CDC42: variants seen among roughly 807,000 people sequenced by gnomAD.
CDC42 encodes cell division cycle 42, also known as cell division control protein 42 homolog.
Under a neutral mutation model 20.8 loss-of-function variants are expected in CDC42, and 1 was observed. The ratio of observed to expected loss-of-function variants is 0.05; its 90% confidence interval spans 0.02 to 0.23. The LOEUF is 0.23. CDC42 is among the 10% of genes least tolerant of loss of function. CDC42 has a pLI of 1.00. For missense variants in CDC42, 49 were observed against 227.9 expected (o/e 0.21, Z 5.05); for synonymous variants, 72 against 84.8 (o/e 0.85, Z 0.83).
intron 2 of CDC42, among the ~76,000 whole-genome samples, chr1:22,080,743 C>T (rs1023207102): frequency 1.2e-4 from 18 of 152,268 alleles, no homozygotes; most frequent in South Asian, 4.1e-4. Flanking sequence ...CAAATAACTT[C>T]GTACAACCGA....
intron 1 of CDC42, among the ~76,000 whole-genome samples, chr1:22,075,209 C>T (rs535941498): frequency 7.2e-5 from 11 of 152,300 alleles, no homozygotes; most frequent in African/African-American, 2.6e-4. Flanking sequence ...ACAACGGTAG[C>T]CTCCTATAGT....
chr1:22,085,044 C>T (rs1339903214), intron 3 of CDC42, among the ~76,000 whole-genome samples: 6 of 151,858 alleles, frequency 4.0e-5, no homozygotes, highest in African/African-American at 1.5e-4. Flanking sequence ...CCAGCCTGGC[C>T]AACATGGTGA....
chr1:22,067,703 G>A (rs930395987), intron 1 of CDC42, among the ~76,000 whole-genome samples: 1 of 152,098 alleles, frequency 6.6e-6, no homozygotes, highest in African/African-American at 2.4e-5. Flanking sequence ...GGAGCTCTCT[G>A]GGGTGTCTTA....
intron 1 of CDC42, among the ~76,000 whole-genome samples, chr1:22,073,834 A>G (rs1199091386): frequency 6.7e-6 from 1 of 148,694 alleles, no homozygotes; most frequent in Non-Finnish European, 1.5e-5. Context: ...TTTTTTTTGT[A>G]GAGATGGGGT....
chr1:22,054,287 C>T (rs1645270997), intron 1 of CDC42, among the ~76,000 whole-genome samples: 1 of 151,982 alleles, frequency 6.6e-6, no homozygotes, highest in Admixed American at 6.6e-5. Flanking sequence ...GCGATCTTGG[C>T]CCACCGCAGC....
intron 1 of CDC42, among the ~76,000 whole-genome samples, chr1:22,074,918 G>C (rs1330882323): frequency 6.6e-6 from 1 of 152,202 alleles, no homozygotes; most frequent in Non-Finnish European, 1.5e-5. Context: ...GTAAGGCAGG[G>C]ACAGGGAGAA....
rs1645726460 is a variant in CDC42, at chr1:22,092,296, T to G, written c.*779T>G. The G allele has an allele frequency of 6.6e-6, 1 of 152,656 alleles. No individual in the cohort carries two copies. Among genetic ancestry groups the G allele is most frequent in the Admixed American group, 6.5e-5 (1 of 15,282 alleles). 9.5% of individuals were successfully genotyped at this position (152,656 alleles called of 1,614,324 possible). On this transcript the variant is annotated 3_prime_UTR_variant, in exon 6 of 6. Coordinates refer to ENST00000656825, the MANE Select transcript of CDC42 (RefSeq NM_001791.4). The stretch of plus-strand genomic sequence containing the variant: ...TCAAGGACATTTGTTTGCCATTTGC[T>G]GATTTTTTTGGGAAGTTAATTTCTA...
intron 1 of CDC42, among the ~76,000 whole-genome samples, chr1:22,061,437 A>T (rs1266714326): frequency 6.7e-5 from 10 of 148,904 alleles, no homozygotes; most frequent in Non-Finnish European, 1.5e-4. Flanking sequence ...GAAACCCTTT[A>T]TTATATCTTC....
intron 5 of CDC42, among the ~76,000 whole-genome samples, chr1:22,087,289 G>GGGAA (rs1645670869): frequency 6.6e-6 from 1 of 152,126 alleles, no homozygotes; most frequent in Non-Finnish European, 1.5e-5. Flanking sequence ...AACCAGGATA[G>GGGAA]GGAATTAGTC....
intron 3 of CDC42, among the ~76,000 whole-genome samples, chr1:22,083,200 T>G (rs1363443271): frequency 6.6e-6 from 1 of 152,186 alleles, no homozygotes; most frequent in Non-Finnish European, 1.5e-5. Context: ...AATTTATGGC[T>G]ACTTGTGGTT....
chr1:22,071,033 TTTTTTTTTCTTTC>T (rs1645484590), intron 1 of CDC42, among the ~76,000 whole-genome samples: 1 of 98,340 alleles, frequency 1.0e-5, no homozygotes, highest in Non-Finnish European at 1.9e-5. Context: ...CAAGCATTTC[TTTTTTTTTCTTTC>T]TTTTTTTTTT....
rs1645771953 is a variant in CDC42 at position 22,098,630 on chromosome 1, C to G, written c.*7113C>G. ...TTTATAAATTATTTTTTAGAGGCAT[C>G]ACTTCTTTAAAGCCCATCAGATTAA... On this transcript the variant is annotated 3_prime_UTR_variant, in exon 6 of 6. Coordinates refer to ENST00000656825, the MANE Select transcript of CDC42 (RefSeq NM_001791.4). 2.0e-5 allele frequency among the ~76,000 whole-genome samples: 3 copies of G among 152,158 alleles called. No homozygotes were observed. Among genetic ancestry groups the G allele is most frequent in the South Asian group, 4.1e-4 (2 of 4,828 alleles).
rs1645756472 is a variant in CDC42, at chr1:22,096,052, C to T, written c.*4535C>T. ...TCCGCTCACTGCAACCTCCACCTCC[C>T]AGGTTCACATGATTCTCCTGCCTCA... On this transcript the variant is annotated 3_prime_UTR_variant, in exon 6 of 6. Transcript: ENST00000656825. 6.6e-6 allele frequency among the ~76,000 whole-genome samples: 1 copy of T among 152,098 alleles called. No homozygotes were observed. Among genetic ancestry groups the T allele is most frequent in the Non-Finnish European group, 1.5e-5 (1 of 68,016 alleles).
At position 22,086,788 on chromosome 1, in the gene CDC42, T is replaced by C; in HGVS notation, c.408T>C (p.Pro136=). 6.2e-7 allele frequency: 1 copy of C among 1,614,080 alleles called. No individual in the cohort carries two copies. The highest frequency in any genetic ancestry group is 2.2e-5 in the East Asian group (1 of 44,886). Residue 136 remains proline (P), a synonymous_variant, in exon 5 of 6, where the codon CCT becomes CCC. Transcript: ENST00000656825. ...AACTTGCCAAGAACAAACAGAAGCC[T>C]ATCACTCCAGAGACTGCTGAAAAGC... is the stretch of plus-strand genomic sequence containing the variant. ...IEKLAKNKQK[P]ITPETAEKLA...
chr1:22,095,088 G>A lies in CDC42; in HGVS notation c.*3571G>A, dbSNP rs1310252950. ...AGGGACAACATTTCACCAGGAAGTA[G>A]CAACTCCATCATCTTTCAGGAAGGG... On this transcript the variant is annotated 3_prime_UTR_variant, in exon 6 of 6. Transcript: ENST00000656825. Among the ~76,000 whole-genome samples the A allele has an allele frequency of 6.6e-6, 1 of 152,130 alleles. No homozygotes were observed. The highest frequency in any genetic ancestry group is 1.5e-5 in the Non-Finnish European group (1 of 68,012).
At chr1:22,059,937 TC>T (rs2152826654) in intron 1 of CDC42, among the ~76,000 whole-genome samples, 1 of 152,336 alleles carries the variant, frequency 6.6e-6, no homozygotes, top group South Asian at 2.1e-4. Flanking sequence ...TCCAGGACTA[TC>T]CCTGAGAGCT....
intron 1 of CDC42, among the ~76,000 whole-genome samples, chr1:22,077,291 G>A (rs549269074): frequency 6.6e-6 from 1 of 152,312 alleles, no homozygotes; most frequent in East Asian, 1.9e-4. Context: ...AACTCACAGT[G>A]TGTCAGTCTA....
rs898497570 is a variant in CDC42, at chr1:22,094,958, G to T, written c.*3441G>T. ...GAGGTAAATTAGTGGTTATTTTGGT[G>T]CTGGGTGCTAAGAAACTCGCAAAAC... On this transcript the variant is annotated 3_prime_UTR_variant, in exon 6 of 6. Coordinates refer to ENST00000656825, the MANE Select transcript of CDC42 (RefSeq NM_001791.4). 6.6e-6 allele frequency among the ~76,000 whole-genome samples: 1 copy of T among 152,080 alleles called. No homozygotes were observed. The highest frequency in any genetic ancestry group is 1.5e-5 in the Non-Finnish European group (1 of 68,016).
At position 22,099,010 on chromosome 1, in the gene CDC42, T is replaced by G. The variant is rs934820946; in HGVS notation, c.*7493T>G. On this transcript the variant is annotated 3_prime_UTR_variant, in exon 6 of 6. Coordinates refer to ENST00000656825, the MANE Select transcript of CDC42 (RefSeq NM_001791.4). ...CTGAGCTGATCCTCCCACCTCGGCC[T>G]CCCAACGTGCTGGGATTACAGGCAT... Among the ~76,000 whole-genome samples, 1 of 152,166 alleles carries G rather than the reference T, an allele frequency of 6.6e-6. No individual in the cohort carries two copies. Among genetic ancestry groups the G allele is most frequent in the Non-Finnish European group, 1.5e-5 (1 of 68,026 alleles).
Sources: allele counts gnomAD v4.1 joint callset (sites outside exome capture counted in the v4.1 genomes callset), GRCh38; gene constraint gnomAD v4.1.1; transcripts MANE v1.5; gene names NCBI Gene and HGNC (gene_info 2026-07-23, HGNC 2026-07-21).